Variants in RYR1 observed in about 807,000 individuals in gnomAD.
RYR1 encodes ryanodine receptor 1.
A neutral mutation model predicts 583.5 loss-of-function variants in RYR1; 342 were observed. The observed-to-expected ratio is 0.59, with a 90% CI of 0.54 to 0.64. The LOEUF is 0.64. Among genes scored for constraint, RYR1 ranks in the 30% least tolerant of loss-of-function variants. The pLI is 0.00. For synonymous variants in RYR1, 2,791 were observed against 2,822.5 expected (o/e 0.99, Z 0.35); for missense variants, 6,032 against 6,917.2 (o/e 0.87, Z 4.54).
chr19:38,440,176 C>T (rs1453970040), intron 1 of RYR1, among the ~76,000 whole-genome samples: 2 of 152,206 alleles, frequency 1.3e-5, no homozygotes, highest in Non-Finnish European at 2.9e-5. Flanking sequence ...CCTGTAGTCC[C>T]AGCTACTCAG....
At chr19:38,526,037 A>G (rs1011166189) in intron 71 of RYR1, among the ~76,000 whole-genome samples, 1 of 151,750 alleles carries the variant, frequency 6.6e-6, no homozygotes, top group Non-Finnish European at 1.5e-5. Context: ...GTTGAAGCCC[A>G]ACTAAGCCCC....
chr19:38,510,910 G>A, intron 60 of RYR1, 129 bp downstream of exon 60: 1 of 1,371,850 alleles, frequency 7.3e-7, no homozygotes. Flanking sequence ...ATTGAAGGGT[G>A]ACCAGCCATC....
At chr19:38,581,675 T>C (rs1171757279) in intron 101 of RYR1, among the ~76,000 whole-genome samples, 1 of 152,160 alleles carries the variant, frequency 6.6e-6, no homozygotes, top group Non-Finnish European at 1.5e-5. Flanking sequence ...CTCAGCTTAC[T>C]GCAACCTCTG....
intron 101 of RYR1, among the ~76,000 whole-genome samples, chr19:38,581,517 G>GAGCTTT (rs1974208748): frequency 6.6e-6 from 1 of 150,978 alleles, no homozygotes; most frequent in South Asian, 2.1e-4. Context: ...ACCTGGCCAT[G>GAGCTTT]TCAGATACTT....
intron 93 of RYR1, 28 bp from the exon 94 acceptor site, chr19:38,570,579 C>T: frequency 1.3e-6 from 2 of 1,578,320 alleles, no homozygotes; most frequent in South Asian, 1.1e-5. Flanking sequence ...TCTGTGAGCG[C>T]TTTCTCTCTT....
intron 67 of RYR1, among the ~76,000 whole-genome samples, chr19:38,520,997 G>A (rs371736318): frequency 5.9e-5 from 9 of 152,040 alleles, no homozygotes; most frequent in Admixed American, 4.6e-4. Flanking sequence ...GTTTGGGGCC[G>A]GGTGCAGTGG....
At chr19:38,582,434 C>T (rs1451571662) in intron 101 of RYR1, among the ~76,000 whole-genome samples, 1 of 151,556 alleles carries the variant, frequency 6.6e-6, no homozygotes, top group East Asian at 1.9e-4. Flanking sequence ...AGACTAGTGC[C>T]TGGCACATCC....
At chr19:38,522,647 G>A (rs1568534170) in intron 67 of RYR1, among the ~76,000 whole-genome samples, 1 of 150,820 alleles carries the variant, frequency 6.6e-6, no homozygotes, top group East Asian at 2.0e-4. Flanking sequence ...AGAATGGATC[G>A]TTAAAAAATT....
At chr19:38,521,557 A>G (rs1369710505) in intron 67 of RYR1, among the ~76,000 whole-genome samples, 1 of 150,742 alleles carries the variant, frequency 6.6e-6, no homozygotes, top group Admixed American at 6.6e-5. Context: ...GTGGTGGCGC[A>G]TACCTGTAGT....
At chr19:38,534,994 C>T (rs890350290) in intron 79 of RYR1, 147 bp from the exon 80 acceptor site, 6 of 1,020,194 alleles carry the variant, frequency 5.9e-6, no homozygotes, top group South Asian at 4.1e-5. Context: ...TCTCACTCAT[C>T]CTTCAATCAC....
intron 19 of RYR1, 30 bp downstream of exon 19, chr19:38,459,368 T>G (rs752727216): frequency 2.5e-6 from 4 of 1,607,334 alleles, no homozygotes; most frequent in South Asian, 1.1e-5. Flanking sequence ...CCACGGCCAG[T>G]CCTCAGACCT....
rs145473365 is a variant in RYR1 at position 38,448,053 on chromosome 19, C to T, written c.801-302C>T. On this transcript the variant is annotated intron_variant, in intron 9 of 105. Transcript: ENST00000359596. ...GAAGGCCTGAGAGAGGATTGGGGTT[C>T]CTAAGGGAGGACTAGGGGTCCTAAT... 1.5e-3 allele frequency among the ~76,000 whole-genome samples: 225 copies of T among 151,712 alleles called. 1 individual carries two copies. Among genetic ancestry groups the T allele is most frequent in the African/African-American group, 5.3e-3 (218 of 41,310 alleles).
intron 1 of RYR1, among the ~76,000 whole-genome samples, chr19:38,436,241 C>A (rs1398421221): frequency 6.6e-6 from 1 of 151,472 alleles, no homozygotes. Flanking sequence ...GAGTCTCAAT[C>A]TGTTGCCCAG....
chr19:38,472,105 T>G (rs952940365), intron 27 of RYR1, among the ~76,000 whole-genome samples: 1 of 151,794 alleles, frequency 6.6e-6, no homozygotes, highest in Non-Finnish European at 1.5e-5. Flanking sequence ...TTGTTTTTGG[T>G]TTTTGTTTTT....
intron 89 of RYR1, among the ~76,000 whole-genome samples, chr19:38,552,450 A>C (rs1972704616): frequency 6.6e-6 from 1 of 151,914 alleles, no homozygotes; most frequent in South Asian, 2.1e-4. Flanking sequence ...GACGGGCTTC[A>C]CCATGTTGGC....
At chr19:38,434,823 T>G (rs1337991633) in intron 1 of RYR1, among the ~76,000 whole-genome samples, 1 of 152,144 alleles carries the variant, frequency 6.6e-6, no homozygotes, top group East Asian at 1.9e-4. Context: ...GACCAGACGC[T>G]AGCCCCGCCC....
At chr19:38,447,280 C>T (rs1054217939) in intron 9 of RYR1, among the ~76,000 whole-genome samples, 1 of 152,088 alleles carries the variant, frequency 6.6e-6, no homozygotes. Flanking sequence ...GTGGCTCACG[C>T]CTGTAATGCC....
rs571509223 is a variant in RYR1 at position 38,475,776 on chromosome 19, C to T, written c.4293+326C>T. ...GGGCTCACTCATATAAACACAATAC[C>T]CTCAATGTAATACCTACTCTAATAT... On this transcript the variant is annotated intron_variant, in intron 29 of 105. Coordinates refer to ENST00000359596, the MANE Select transcript of RYR1 (RefSeq NM_000540.3). Among the ~76,000 whole-genome samples the T allele has an allele frequency of 2.6e-5, 4 of 152,284 alleles. No individual in the cohort carries two copies. The East Asian group carries it at 5.8e-4, about 22-fold the overall frequency.
At chr19:38,520,693 C>CAAAAAAAAAAAAAAAAAAAAAAAA (rs71165555) in intron 67 of RYR1, among the ~76,000 whole-genome samples, 14 of 46,898 alleles carry the variant, frequency 3.0e-4, no homozygotes, top group African/African-American at 5.5e-4. Context: ...GGCTCCACCT[C>CAAAAAAAAAAAAAAAAAAAAAAAA]AAAAAAAAAA....
Sources: gnomAD v4.1 joint callset for allele counts (sites outside exome capture counted in the v4.1 genomes callset) on GRCh38, gnomAD v4.1.1 for gene constraint, MANE v1.5 for transcripts, NCBI Gene and HGNC (gene_info 2026-07-23, HGNC 2026-07-21) for gene names.